Variants in RAP1B observed in about 807,000 individuals in gnomAD.
RAP1B encodes the protein RAP1B, member of RAS oncogene family, also known as ras-related protein Rap-1b.
Under a neutral mutation model 27.5 loss-of-function variants are expected in RAP1B, and 1 was observed. The observed-to-expected ratio is 0.04, with a 90% confidence interval of 0.01 to 0.17. The LOEUF (loss-of-function observed/expected upper bound fraction) is 0.17. Among genes scored for constraint, RAP1B ranks in the 10% least tolerant of loss-of-function variants. The pLI is 1.00. For missense variants in RAP1B, 84 were observed against 214.8 expected (o/e 0.39, Z 3.81); for synonymous variants, 75 against 73.1 (o/e 1.03, Z -0.13).
At chr12:68,619,410 GAGTC>G (rs1871242541) in intron 1 of RAP1B, among the ~76,000 whole-genome samples, 5 of 152,164 alleles carry the variant, frequency 3.3e-5, no homozygotes, top group Admixed American at 1.3e-4. Flanking sequence ...CTGCATAACT[GAGTC>G]AGTATTTCCA....
intron 1 of RAP1B, among the ~76,000 whole-genome samples, chr12:68,614,532 G>C (rs1313006192): frequency 6.6e-6 from 1 of 152,186 alleles, no homozygotes; most frequent in Non-Finnish European, 1.5e-5. Context: ...AGAAAAGTTA[G>C]GTAAAGATTG....
intron 1 of RAP1B, among the ~76,000 whole-genome samples, chr12:68,632,461 G>T (rs748071104): frequency 6.6e-6 from 1 of 151,956 alleles, no homozygotes; most frequent in East Asian, 1.9e-4. Context: ...AATTAACAAA[G>T]CAAAATTACT....
Position 68,636,068 on chromosome 12 carries a change from A to G in RAP1B, c.-26-12631A>G, listed in dbSNP as rs138554479. On this transcript the variant is annotated intron_variant, in intron 1 of 7. Coordinates refer to ENST00000250559, the MANE Select transcript of RAP1B (RefSeq NM_001010942.3). ...TATTTTTTTTTTTTGTATTTTTAGT[A>G]GAGATGGGGCTTCACCATATTGGCC... Among the ~76,000 whole-genome samples, 4 of 150,584 alleles carry G rather than the reference A, an allele frequency of 2.7e-5. No homozygotes were observed. In the East Asian group the frequency reaches 7.9e-4, roughly 30 times the overall value.
At position 68,632,668 on chromosome 12, in the gene RAP1B, A is replaced by G. The variant is rs1872351395; in HGVS notation, c.-26-16031A>G. ...TAGACACAGTTTTTTTTTAGAGTAGACCCTGTAAAAGAATGTGGAGTAAAT... is the reference window on the plus strand; with the variant it reads ...TAGACACAGTTTTTTTTTAGAGTAGGCCCTGTAAAAGAATGTGGAGTAAAT... On this transcript the variant is annotated intron_variant, in intron 1 of 7. Transcript: ENST00000250559. Among the ~76,000 whole-genome samples the G allele has an allele frequency of 3.3e-5, 5 of 152,042 alleles. 1 individual carries two copies. The South Asian group carries it at 8.3e-4, about 25-fold the overall frequency.
intron 1 of RAP1B, among the ~76,000 whole-genome samples, chr12:68,629,247 A>G (rs185731990): frequency 1.5e-3 from 227 of 152,316 alleles, no homozygotes; most frequent in African/African-American, 5.3e-3. Context: ...TCAAAGTGCT[A>G]GGATTACAGG....
At chr12:68,644,726 T>C in intron 1 of RAP1B, among the ~76,000 whole-genome samples, 1 of 132,578 alleles carries the variant, frequency 7.5e-6, no homozygotes, top group Non-Finnish European at 1.6e-5. Flanking sequence ...TCTTGCTGTG[T>C]CGCCCAGGCT....
Position 68,662,745 on chromosome 12 carries a change from T to C in RAP1B, c.*3496T>C, listed in dbSNP as rs1024913056. The C allele has an allele frequency of 1.4e-4, 22 of 152,194 alleles. No individual in the cohort carries two copies. The highest frequency in any genetic ancestry group is 5.3e-4 in the African/African-American group (22 of 41,438). 9.4% of individuals were successfully genotyped at this position (152,194 alleles called of 1,614,324 possible). ...TTGTCTCATAATCTGTCAGTGAGCC[T>C]TAACATTGTGATTTGTAAGACTAAA... On this transcript the variant is annotated 3_prime_UTR_variant, in exon 8 of 8. Transcript: ENST00000250559.
chr12:68,628,435 T>C (rs1379824777), intron 1 of RAP1B, among the ~76,000 whole-genome samples: 1 of 152,250 alleles, frequency 6.6e-6, no homozygotes, highest in Non-Finnish European at 1.5e-5. Flanking sequence ...CACAGTAATT[T>C]TGTAAGTTGC....
At chr12:68,625,424 A>G (rs746582057) in intron 1 of RAP1B, among the ~76,000 whole-genome samples, 9 of 152,228 alleles carry the variant, frequency 5.9e-5, no homozygotes, top group Non-Finnish European at 1.3e-4. Context: ...AGATACTAAA[A>G]TTATTATTAG....
At chr12:68,642,572 G>T (rs533355667) in intron 1 of RAP1B, 1 of 1,083,720 alleles carries the variant, frequency 9.2e-7, no homozygotes. Context: ...GTCTAATTTG[G>T]TTTCTGGGAA....
intron 1 of RAP1B, among the ~76,000 whole-genome samples, chr12:68,613,832 C>T (rs1201673280): frequency 6.6e-6 from 1 of 152,176 alleles, no homozygotes; most frequent in Non-Finnish European, 1.5e-5. Context: ...TAAAAAGAAA[C>T]ATTTACATAT....
At chr12:68,625,925 A>C (rs540633416) in intron 1 of RAP1B, among the ~76,000 whole-genome samples, 1 of 152,258 alleles carries the variant, frequency 6.6e-6, no homozygotes, top group African/African-American at 2.4e-5. Flanking sequence ...TGTCTCAAAA[A>C]AAAAAAAAAA....
At chr12:68,644,476 C>A (rs1052767638) in intron 1 of RAP1B, among the ~76,000 whole-genome samples, 1 of 151,458 alleles carries the variant, frequency 6.6e-6, no homozygotes, top group African/African-American at 2.4e-5. Flanking sequence ...CCCAGCTACT[C>A]AGGAGGCTGA....
intron 1 of RAP1B, among the ~76,000 whole-genome samples, chr12:68,638,391 G>A (rs573168961): frequency 2.6e-5 from 4 of 152,258 alleles, no homozygotes; most frequent in South Asian, 4.1e-4. Flanking sequence ...TAGCATGCGA[G>A]AAGGTAAAGG....
chr12:68,666,556 T>C lies in RAP1B; in HGVS notation c.*7307T>C, dbSNP rs935479555. 6.6e-6 allele frequency: 1 copy of C among 152,232 alleles called. No individual in the cohort carries two copies. Among genetic ancestry groups the C allele is most frequent in the African/African-American group, 2.4e-5 (1 of 41,458 alleles). The allele number at this position is 152,232 out of a possible 1,614,324, so 9.4% of individuals were successfully genotyped here. On this transcript the variant is annotated 3_prime_UTR_variant, in exon 8 of 8. Coordinates refer to ENST00000250559, the MANE Select transcript of RAP1B (RefSeq NM_001010942.3). ...GCCTCTATCTTTGTATCTCCTCCTC[T>C]CTATAATCTTTCTTTTAAAAGGACA... is the stretch of plus-strand genomic sequence containing the variant.
chr12:68,640,806 G>T (rs997923703), intron 1 of RAP1B, among the ~76,000 whole-genome samples: 3 of 151,942 alleles, frequency 2.0e-5, no homozygotes, highest in Non-Finnish European at 4.4e-5. Flanking sequence ...ATTTTGATGT[G>T]TAATATAGTG....
Position 68,668,385 on chromosome 12 carries a change from AACTC to A in RAP1B, c.*9142_*9145del, listed in dbSNP as rs1001545477. On this transcript the variant is annotated 3_prime_UTR_variant, in exon 8 of 8. Transcript: ENST00000250559. ...TTTTTCTTAGCCCAGTTACTACTAAAACTCACTCAGAGGAGCAAGTGAAATTTGT... is the reference window on the plus strand; with the variant it reads ...TTTTTCTTAGCCCAGTTACTACTAAAACTCAGAGGAGCAAGTGAAATTTGT... 3 of 152,202 alleles carry A rather than the reference AACTC, an allele frequency of 2.0e-5. No homozygotes were observed. The highest frequency in any genetic ancestry group is 4.8e-5 in the African/African-American group (2 of 41,442). 9.4% of individuals were successfully genotyped at this position (152,202 alleles called of 1,614,324 possible).
intron 1 of RAP1B, among the ~76,000 whole-genome samples, chr12:68,637,640 C>T (rs1872724854): frequency 7.1e-6 from 1 of 140,548 alleles, no homozygotes. Flanking sequence ...AAGATGCCAG[C>T]CTAGAAATAA....
At chr12:68,632,828 C>A (rs1453458367) in intron 1 of RAP1B, among the ~76,000 whole-genome samples, 1 of 152,092 alleles carries the variant, frequency 6.6e-6, no homozygotes, top group Non-Finnish European at 1.5e-5. Flanking sequence ...AGATTATAGG[C>A]ACTGTATGGG....
Sources: gnomAD v4.1 joint callset for allele counts (sites outside exome capture counted in the v4.1 genomes callset) on GRCh38, gnomAD v4.1.1 for gene constraint, MANE v1.5 for transcripts, NCBI Gene and HGNC (gene_info 2026-07-23, HGNC 2026-07-21) for gene names.